INO80: variants seen among roughly 807,000 people sequenced by gnomAD.
INO80 encodes INO80 complex ATPase subunit.
INO80 carries 20 observed loss-of-function variants against 203.4 expected under a neutral mutation model. The ratio of observed to expected loss-of-function variants is 0.10; its 90% CI spans 0.07 to 0.14. The LOEUF is 0.14. Among genes scored for constraint, INO80 ranks in the 10% least tolerant of loss-of-function variants. The pLI is 1.00. For missense variants in INO80, 1,419 were observed against 1,914.4 expected, an observed-to-expected ratio of 0.74 and a Z score of 4.83; for synonymous variants, 726 against 685.2, an observed-to-expected ratio of 1.06 and a Z score of -0.93.
chr15:41,025,833 T>C (rs1353935360), intron 25 of INO80, among the ~76,000 whole-genome samples: 4 of 152,320 alleles, frequency 2.6e-5, no homozygotes, highest in South Asian at 4.1e-4. Flanking sequence ...GGTCTCTTGG[T>C]ATACACCTAT....
intron 27 of INO80, chr15:41,011,829 A>G (rs891654672): frequency 2.0e-5 from 3 of 152,246 alleles, no homozygotes; most frequent in African/African-American, 7.2e-5. Context: ...GCTTGGATAG[A>G]TGACTGAGCA....
intron 24 of INO80, among the ~76,000 whole-genome samples, chr15:41,037,872 C>T (rs578054962): frequency 1.3e-4 from 20 of 149,464 alleles, no homozygotes; most frequent in East Asian, 8.2e-4. Flanking sequence ...GAACCCGGGA[C>T]GCAGAGGTTG....
At chr15:41,109,482 TA>T (rs1395833250) in intron 1 of INO80, among the ~76,000 whole-genome samples, 1 of 150,434 alleles carries the variant, frequency 6.6e-6, no homozygotes, top group Non-Finnish European at 1.5e-5. Context: ...GCCACTGCCG[TA>T]TTTATTACAA....
rs532972069 is a variant in INO80, at chr15:41,059,381, T to C, written c.1842+486A>G. On this transcript the variant is annotated intron_variant, in intron 15 of 35. Coordinates refer to ENST00000648947, the MANE Select transcript of INO80 (RefSeq NM_017553.3). ...GGCTCACACCTGTAATCCCAGCACT[T>C]TGGGAGGCCGAGGCAGGAGGATCAC... Among the ~76,000 whole-genome samples the C allele has an allele frequency of 1.3e-4, 20 of 149,852 alleles. 1 individual carries two copies. In the East Asian group the frequency reaches 3.1e-3, roughly 23 times the overall value.
rs527502340 is a variant in INO80 at position 41,021,686 on chromosome 15, A to G, written c.3049-561T>C. On this transcript the variant is annotated intron_variant, in intron 25 of 35. Coordinates refer to ENST00000648947, the MANE Select transcript of INO80 (RefSeq NM_017553.3). Reference sequence around the variant, plus strand: ...TGGAAGAGAAACTTTCTTTCAGGCCATAAACTGGGGAAGGGGGAGTGCGGA... The same window carrying G: ...TGGAAGAGAAACTTTCTTTCAGGCCGTAAACTGGGGAAGGGGGAGTGCGGA... 8.5e-4 allele frequency among the ~76,000 whole-genome samples: 129 copies of G among 152,354 alleles called. 1 individual carries two copies. The highest frequency in any genetic ancestry group is 5.4e-4 in the Non-Finnish European group (37 of 68,020).
intron 1 of INO80, among the ~76,000 whole-genome samples, chr15:41,097,497 T>C (rs759593241): frequency 1.3e-5 from 2 of 152,178 alleles, no homozygotes; most frequent in Non-Finnish European, 2.9e-5. Context: ...ATTATTGTTA[T>C]GATTTTTTTC....
intron 11 of INO80, 58 bp downstream of exon 11, chr15:41,073,370 A>G (rs1177280762): frequency 8.7e-6 from 12 of 1,379,750 alleles, no homozygotes; most frequent in Non-Finnish European, 1.2e-5. Flanking sequence ...ACCTAAGTAA[A>G]GGCTTGTGGG....
intron 21 of INO80, among the ~76,000 whole-genome samples, chr15:41,048,880 T>C (rs534542767): frequency 2.0e-5 from 3 of 152,240 alleles, no homozygotes; most frequent in Non-Finnish European, 2.9e-5. Context: ...CTTCAAACTT[T>C]ACTAAATTTA....
chr15:41,077,007 A>C (rs2045413257), intron 9 of INO80, among the ~76,000 whole-genome samples: 1 of 152,054 alleles, frequency 6.6e-6, no homozygotes, highest in Admixed American at 6.6e-5. Context: ...TCCCCGGTTC[A>C]AGCGATTCTG....
intron 19 of INO80, among the ~76,000 whole-genome samples, chr15:41,053,633 G>C (rs2044926176): frequency 6.6e-6 from 1 of 152,148 alleles, no homozygotes; most frequent in Non-Finnish European, 1.5e-5. Flanking sequence ...TTTTGAATAA[G>C]AGAGAGGTAG....
intron 27 of INO80, among the ~76,000 whole-genome samples, chr15:41,011,349 A>C (rs2044130835): frequency 6.6e-6 from 1 of 152,216 alleles, no homozygotes; most frequent in East Asian, 1.9e-4. Context: ...GTACACTGAC[A>C]GGTATTTGTG....
chr15:41,113,629 T>C (rs546388681), intron 1 of INO80, among the ~76,000 whole-genome samples: 2 of 152,286 alleles, frequency 1.3e-5, no homozygotes, highest in South Asian at 4.1e-4. Context: ...GTTTTGTTTT[T>C]AGAGACAGGG....
intron 7 of INO80, among the ~76,000 whole-genome samples, chr15:41,083,640 G>A (rs968343079): frequency 1.3e-5 from 2 of 150,356 alleles, no homozygotes; most frequent in Admixed American, 6.7e-5. Flanking sequence ...CTGAAACCCA[G>A]GAGGCAGAGG....
intron 28 of INO80, among the ~76,000 whole-genome samples, chr15:40,998,016 CTTTTTT>C (rs10572892): frequency 4.0e-5 from 3 of 75,180 alleles, no homozygotes; most frequent in African/African-American, 1.1e-4. Context: ...CCAAAACACT[CTTTTTT>C]TTTTTTTTTT....
chr15:41,076,401 C>T (rs1361670620), intron 9 of INO80, among the ~76,000 whole-genome samples: 1 of 151,396 alleles, frequency 6.6e-6, no homozygotes, highest in African/African-American at 2.4e-5. Context: ...ACCTATATTT[C>T]ATCTGTGATA....
rs2045585603 is a variant in INO80 at position 41,087,988 on chromosome 15, C to A, written c.538-306G>T. On this transcript the variant is annotated intron_variant, in intron 5 of 35. Transcript: ENST00000648947. ...ACTAAGACATGAAATTAATTCCTTGCAGAAATGTCTCCCCTTGGAAATTCA... is the reference window on the plus strand; with the variant it reads ...ACTAAGACATGAAATTAATTCCTTGAAGAAATGTCTCCCCTTGGAAATTCA... 1.3e-5 allele frequency among the ~76,000 whole-genome samples: 2 copies of A among 151,860 alleles called. 1 individual carries two copies. Among genetic ancestry groups the A allele is most frequent in the South Asian group, 4.2e-4 (2 of 4,810 alleles).
intron 1 of INO80, among the ~76,000 whole-genome samples, chr15:41,098,568 G>A (rs2045759005): frequency 6.6e-6 from 1 of 152,084 alleles, no homozygotes; most frequent in South Asian, 2.1e-4. Context: ...AAACTATTCG[G>A]GAGGCTGAAG....
chr15:41,044,094 T>C lies in INO80; in HGVS notation c.2907+810A>G, dbSNP rs555441166. On this transcript the variant is annotated intron_variant, in intron 24 of 35. Transcript: ENST00000648947. ...GAATAATAGCAAATCTCACATACCG[T>C]AGGTGCAAATGTAAATTTATAAAAC... Among the ~76,000 whole-genome samples, 410 of 152,296 alleles carry C rather than the reference T, an allele frequency of 2.7e-3. 3 individuals carry two copies. Among genetic ancestry groups the C allele is most frequent in the South Asian group, 0.013 (62 of 4,830 alleles).
chr15:41,082,691 C>T (rs932416813), intron 7 of INO80, among the ~76,000 whole-genome samples: 5 of 151,638 alleles, frequency 3.3e-5, no homozygotes, highest in Admixed American at 2.0e-4. Flanking sequence ...GTGACAAGAG[C>T]GAAACTCCGT....
Sources: gnomAD v4.1 joint callset for allele counts (sites outside exome capture counted in the v4.1 genomes callset) on GRCh38, gnomAD v4.1.1 for gene constraint, MANE v1.5 for transcripts, NCBI Gene and HGNC (gene_info 2026-07-23, HGNC 2026-07-21) for gene names.